The following PCBP3 variants were observed in gnomAD, a reference collection of about 807,000 sequenced individuals.
PCBP3 encodes poly(rC)-binding protein 3.
PCBP3 carries 25 observed loss-of-function variants against 52.7 expected under a neutral mutation model. The observed-to-expected ratio is 0.47, with a 90% confidence interval of 0.35 to 0.66. The LOEUF (loss-of-function observed/expected upper bound fraction) is 0.66. Among genes scored for constraint, PCBP3 ranks in the 30% least tolerant of loss-of-function variants. PCBP3 has a pLI of 0.01. For synonymous variants in PCBP3, 162 were observed against 183.0 expected (o/e 0.89, Z 0.93); for missense variants, 391 against 490.3 (o/e 0.80, Z 1.91).
intron 2 of PCBP3, among the ~76,000 whole-genome samples, chr21:45,691,124 A>G (rs1254030774): frequency 1.3e-5 from 2 of 152,064 alleles, no homozygotes; most frequent in Non-Finnish European, 2.9e-5. Context: ...TAAAAAATCT[A>G]TCAACAGGCA....
At chr21:45,930,213 C>T (rs2076006319) in intron 14 of PCBP3, among the ~76,000 whole-genome samples, 1 of 152,210 alleles carries the variant, frequency 6.6e-6, no homozygotes, top group South Asian at 2.1e-4. Context: ...GCTGGTTCAC[C>T]TTACAGCTGG....
intron 5 of PCBP3, among the ~76,000 whole-genome samples, chr21:45,881,507 T>G (rs866218796): frequency 6.6e-6 from 1 of 152,176 alleles, no homozygotes; most frequent in African/African-American, 2.4e-5. Flanking sequence ...AGGCTGGTCT[T>G]GAACTCCTAG....
chr21:45,851,984 T>A (rs921075258), intron 5 of PCBP3, among the ~76,000 whole-genome samples: 1 of 152,206 alleles, frequency 6.6e-6, no homozygotes, highest in Admixed American at 6.5e-5. Flanking sequence ...GAGAGGCTGG[T>A]CCACAGGTAC....
chr21:45,940,840 C>T (rs573314299), intron 17 of PCBP3, among the ~76,000 whole-genome samples: 40 of 69,980 alleles, frequency 5.7e-4, no homozygotes, highest in Non-Finnish European at 8.0e-4. Context: ...CCAGCCCCGC[C>T]GGCCTCTGAT....
intron 2 of PCBP3, among the ~76,000 whole-genome samples, chr21:45,677,976 A>G (rs2081573042): frequency 6.6e-6 from 1 of 152,228 alleles, no homozygotes; most frequent in Non-Finnish European, 1.5e-5. Context: ...TTTCATGCCC[A>G]TTAACACCGC....
At chr21:45,662,994 A>G (rs2080514857) in intron 1 of PCBP3, among the ~76,000 whole-genome samples, 1 of 152,122 alleles carries the variant, frequency 6.6e-6, no homozygotes, top group African/African-American at 2.4e-5. Flanking sequence ...GCCCACAGTT[A>G]TCTGGAGGCT....
At chr21:45,732,477 G>A (rs910354098) in intron 2 of PCBP3, among the ~76,000 whole-genome samples, 4 of 144,578 alleles carry the variant, frequency 2.8e-5, no homozygotes, top group Non-Finnish European at 6.1e-5. Flanking sequence ...TTGCCATAAT[G>A]TTTCTTTTTT....
At chr21:45,730,622 T>C (rs190179090) in intron 2 of PCBP3, among the ~76,000 whole-genome samples, 1 of 152,288 alleles carries the variant, frequency 6.6e-6, no homozygotes, top group East Asian at 1.9e-4. Flanking sequence ...AAATCAGTTA[T>C]TGAAAGAGAA....
intron 4 of PCBP3, among the ~76,000 whole-genome samples, chr21:45,812,295 A>G (rs972337543): frequency 1.3e-5 from 2 of 152,344 alleles, no homozygotes; most frequent in African/African-American, 2.4e-5. Flanking sequence ...ACATGTGCCC[A>G]AAGTGTGGGT....
chr21:45,862,875 G>A (rs1023812067), intron 5 of PCBP3, among the ~76,000 whole-genome samples: 2 of 152,198 alleles, frequency 1.3e-5, no homozygotes, highest in African/African-American at 4.8e-5. Context: ...TGGGATCAAG[G>A]TAAGAAGCCT....
At chr21:45,738,355 C>T (rs2086052288) in intron 3 of PCBP3, among the ~76,000 whole-genome samples, 1 of 151,032 alleles carries the variant, frequency 6.6e-6, no homozygotes, top group African/African-American at 2.4e-5. Flanking sequence ...CCCGGGTTCA[C>T]GCCATTCTCC....
chr21:45,784,895 G>C (rs1000567023), intron 4 of PCBP3, among the ~76,000 whole-genome samples: 1 of 152,148 alleles, frequency 6.6e-6, no homozygotes, highest in Non-Finnish European at 1.5e-5. Context: ...CGTCTGGGAA[G>C]TGATGAGTGT....
At chr21:45,673,221 G>A (rs2081277601) in intron 2 of PCBP3, among the ~76,000 whole-genome samples, 1 of 152,124 alleles carries the variant, frequency 6.6e-6, no homozygotes, top group Non-Finnish European at 1.5e-5. Flanking sequence ...CTTTCTTTGG[G>A]AATTAATTAT....
chr21:45,942,068 T>C lies in PCBP3; in HGVS notation c.*362T>C, dbSNP rs2077510655. 1 of 228,548 alleles carries C rather than the reference T, an allele frequency of 4.4e-6. No homozygotes were observed. Among genetic ancestry groups the C allele is most frequent in the Non-Finnish European group, 8.5e-6 (1 of 117,686 alleles). The allele number at this position is 228,548 out of a possible 1,614,324, so 14.2% of individuals were successfully genotyped here. A position where few individuals can be genotyped will look rare whatever the true frequency, so the allele number is the denominator to read the frequency against. On this transcript the variant is annotated 3_prime_UTR_variant, in exon 18 of 18. Transcript: ENST00000681687. Reference sequence around the variant, plus strand: ...CAGCACTTCCTGTCCGCCCTTCTCCTCTGCCATCCAGAACCGTCCAGAACT... The same window carrying C: ...CAGCACTTCCTGTCCGCCCTTCTCCCCTGCCATCCAGAACCGTCCAGAACT...
chr21:45,716,318 T>C (rs1465530543), intron 2 of PCBP3, among the ~76,000 whole-genome samples: 1 of 152,172 alleles, frequency 6.6e-6, no homozygotes, highest in African/African-American at 2.4e-5. Flanking sequence ...TCCATATCTA[T>C]ATATGGGGAG....
intron 4 of PCBP3, among the ~76,000 whole-genome samples, chr21:45,844,887 G>T (rs143127410): frequency 6.7e-6 from 1 of 149,156 alleles, no homozygotes; most frequent in African/African-American, 2.5e-5. Flanking sequence ...GTTTATATAC[G>T]TATATAAAGT....
intron 11 of PCBP3, among the ~76,000 whole-genome samples, chr21:45,912,903 G>A (rs988671636): frequency 1.7e-4 from 26 of 152,148 alleles, no homozygotes; most frequent in East Asian, 7.7e-4. Context: ...GGGCCCTGGC[G>A]CTGCGGATCC....
At chr21:45,691,267 A>G (rs1423565617) in intron 2 of PCBP3, among the ~76,000 whole-genome samples, 10 of 151,602 alleles carry the variant, frequency 6.6e-5, no homozygotes, top group Admixed American at 2.6e-4. Flanking sequence ...ATATGATTCT[A>G]TTTACATAAG....
chr21:45,881,321 G>C (rs1023471987), intron 5 of PCBP3, among the ~76,000 whole-genome samples: 1 of 152,108 alleles, frequency 6.6e-6, no homozygotes, highest in African/African-American at 2.4e-5. Flanking sequence ...CATGTTTTTT[G>C]TGTGTGAAAT....
Sources: allele counts gnomAD v4.1 joint callset (sites outside exome capture counted in the v4.1 genomes callset), GRCh38; gene constraint gnomAD v4.1.1; transcripts MANE v1.5; gene names NCBI Gene and HGNC (gene_info 2026-07-23, HGNC 2026-07-21).